The following LTBP1 variants were observed in gnomAD, a reference collection of about 807,000 sequenced individuals.
The protein encoded by LTBP1 is latent-transforming growth factor beta-binding protein 1.
In LTBP1, 129 loss-of-function variants were observed where a neutral mutation model predicts 207.6. The observed-to-expected ratio is 0.62, with a 90% CI of 0.54 to 0.72. The LOEUF (loss-of-function observed/expected upper bound fraction) is 0.72. Ranked by LOEUF, LTBP1 falls within the 30% of genes least tolerant of loss-of-function variation. The probability of loss-of-function intolerance (pLI) is 0.00; values close to 1 mark genes in which losing one functional copy is unlikely to be tolerated. For synonymous variants in LTBP1, 963 were observed against 833.7 expected (o/e 1.16, Z -2.67); for missense variants, 2,281 against 2,217.2 (o/e 1.03, Z -0.58).
intron 22 of LTBP1, among the ~76,000 whole-genome samples, chr2:33,302,877 A>G (rs780065794): frequency 4.5e-4 from 69 of 152,016 alleles, no homozygotes; most frequent in Admixed American, 1.4e-3. Flanking sequence ...AGCCTGGCCA[A>G]CATGCTGAAA....
rs149854157 is a variant in LTBP1, at chr2:33,026,617, C to G, written c.863+5411C>G. 4.5e-4 allele frequency among the ~76,000 whole-genome samples: 68 copies of G among 152,102 alleles called. 2 individuals are homozygous for G. In the East Asian group the frequency reaches 0.011, roughly 25 times the overall value. ...CTGTGAGGTAGTTGAAGGTTTTGAT[C>G]CTACTTTATTATGTGGAAAAAAAAG... On this transcript the variant is annotated intron_variant, in intron 3 of 33. Transcript: ENST00000404816.
At chr2:32,992,168 G>A (rs1684516744) in intron 2 of LTBP1, among the ~76,000 whole-genome samples, 1 of 152,150 alleles carries the variant, frequency 6.6e-6, no homozygotes, top group East Asian at 1.9e-4. Flanking sequence ...GGAGAGGTAG[G>A]GACACAAGAT....
intron 24 of LTBP1, among the ~76,000 whole-genome samples, chr2:33,332,391 AAAAAAAAG>A (rs1387941046): frequency 2.0e-5 from 3 of 149,326 alleles, no homozygotes; most frequent in African/African-American, 7.3e-5. Flanking sequence ...AAAAAAAAAA[AAAAAAAAG>A]AGAGAGAGAG....
At chr2:32,991,791 C>T (rs1684460981) in intron 2 of LTBP1, among the ~76,000 whole-genome samples, 1 of 152,232 alleles carries the variant, frequency 6.6e-6, no homozygotes, top group Non-Finnish European at 1.5e-5. Context: ...CTGGGTGCCT[C>T]TGCCACAGGC....
chr2:33,215,916 T>A (rs1459570375), intron 7 of LTBP1, among the ~76,000 whole-genome samples: 1 of 152,008 alleles, frequency 6.6e-6, no homozygotes, highest in Non-Finnish European at 1.5e-5. Flanking sequence ...GGTTTCACCA[T>A]GTTGGCCAGA....
intron 4 of LTBP1, among the ~76,000 whole-genome samples, chr2:33,113,464 G>T (rs2080532474): frequency 6.6e-6 from 1 of 152,202 alleles, no homozygotes; most frequent in African/African-American, 2.4e-5. Context: ...GCACTCTCCA[G>T]ATAAAACATT....
At chr2:33,197,849 C>T (rs1278907414) in intron 7 of LTBP1, among the ~76,000 whole-genome samples, 1 of 152,224 alleles carries the variant, frequency 6.6e-6, no homozygotes, top group Non-Finnish European at 1.5e-5. Flanking sequence ...CAGGAACCTG[C>T]CTCGTAATCA....
intron 3 of LTBP1, among the ~76,000 whole-genome samples, chr2:33,024,491 T>A (rs1470096042): frequency 6.6e-6 from 1 of 152,216 alleles, no homozygotes; most frequent in Admixed American, 6.5e-5. Flanking sequence ...GGTAAAATTG[T>A]AGTGTTAAAA....
intron 5 of LTBP1, among the ~76,000 whole-genome samples, chr2:33,152,598 G>GA (rs1432420484): frequency 6.6e-6 from 1 of 152,038 alleles, no homozygotes; most frequent in Non-Finnish European, 1.5e-5. Context: ...GTCATTATAC[G>GA]AAAAAAGATA....
chr2:33,089,640 G>C (rs978563182), intron 3 of LTBP1, among the ~76,000 whole-genome samples: 7 of 152,178 alleles, frequency 4.6e-5, no homozygotes, highest in African/African-American at 1.2e-4. Flanking sequence ...TAAAAATTGT[G>C]TCATTATACA....
chr2:33,249,278 A>T (rs571699523), intron 10 of LTBP1, among the ~76,000 whole-genome samples: 1 of 150,296 alleles, frequency 6.7e-6, no homozygotes, highest in East Asian at 2.0e-4. Flanking sequence ...AGCTTGTGGG[A>T]GTTATTTATA....
At chr2:33,384,842 G>A (rs558806288) in intron 31 of LTBP1, among the ~76,000 whole-genome samples, 11 of 152,252 alleles carry the variant, frequency 7.2e-5, no homozygotes, top group African/African-American at 2.6e-4. Context: ...GCACCTCCAA[G>A]CTGTAATGGG....
intron 12 of LTBP1, among the ~76,000 whole-genome samples, chr2:33,258,974 G>C (rs550905458): frequency 3.2e-4 from 49 of 152,276 alleles, no homozygotes; most frequent in African/African-American, 9.1e-4. Flanking sequence ...TTATGATTGT[G>C]TAATGTATAA....
chr2:33,397,531 G>A (rs1475698739), intron 33 of LTBP1, among the ~76,000 whole-genome samples: 2 of 101,392 alleles, frequency 2.0e-5, no homozygotes, highest in African/African-American at 8.1e-5. Flanking sequence ...TTTTGAGATG[G>A]AGTTTTACTC....
In LTBP1 at chr2:33,307,561, T is replaced by C. The variant is rs1031501402; in HGVS notation, c.3482-1873T>C. ...CACAAAAGGAGTGAGAGGGAATGTA[T>C]TGGGGATGGAAATGCCTGTTCCTTG... is the stretch of plus-strand genomic sequence containing the variant. On this transcript the variant is annotated intron_variant, in intron 22 of 33. Transcript: ENST00000404816. Among the ~76,000 whole-genome samples the C allele has an allele frequency of 7.9e-5, 12 of 152,296 alleles. 2 individuals carry two copies. The highest frequency in any genetic ancestry group is 4.6e-4 in the Admixed American group (7 of 15,294).
At chr2:33,309,057 C>T (rs890859990) in intron 22 of LTBP1, among the ~76,000 whole-genome samples, 2 of 151,766 alleles carry the variant, frequency 1.3e-5, no homozygotes, top group African/African-American at 2.4e-5. Flanking sequence ...CTGAGGTGGG[C>T]GGATCACTTG....
intron 31 of LTBP1, 110 bp downstream of exon 31, chr2:33,365,613 C>G (rs2094975894): frequency 3.8e-6 from 4 of 1,041,676 alleles, no homozygotes; most frequent in Non-Finnish European, 5.5e-6. Context: ...CTCCTGATAT[C>G]TTACTTTCAT....
intron 3 of LTBP1, among the ~76,000 whole-genome samples, chr2:33,072,420 T>TC (rs1441719353): frequency 6.6e-5 from 10 of 152,208 alleles, no homozygotes; most frequent in Non-Finnish European, 1.2e-4. Flanking sequence ...GTCCAGATTC[T>TC]CAGCCTCTCT....
At chr2:33,269,425 G>A (rs543893847) in intron 15 of LTBP1, among the ~76,000 whole-genome samples, 1 of 152,306 alleles carries the variant, frequency 6.6e-6, no homozygotes, top group East Asian at 1.9e-4. Flanking sequence ...GGGAAGAGTA[G>A]GGCTGTCCTG....
Sources: allele counts gnomAD v4.1 joint callset (sites outside exome capture counted in the v4.1 genomes callset), GRCh38; gene constraint gnomAD v4.1.1; transcripts MANE v1.5; gene names NCBI Gene and HGNC (gene_info 2026-07-23, HGNC 2026-07-21).